Variants in CYP11B1 observed in about 807,000 individuals in gnomAD.
CYP11B1 encodes the protein cytochrome P450 11B1, mitochondrial.
CYP11B1 carries 34 observed loss-of-function variants against 48.3 expected under a neutral mutation model. That is an observed-to-expected ratio of 0.70 (90% CI 0.54 to 0.94). The LOEUF is 0.94. Ranked by LOEUF, CYP11B1 falls within the 40% of genes least tolerant of loss-of-function variation. The pLI is 0.00. For synonymous variants in CYP11B1, 291 were observed against 262.5 expected, an observed-to-expected ratio of 1.11 and a Z score of -1.05; for missense variants, 688 against 657.4, an observed-to-expected ratio of 1.05 and a Z score of -0.51.
At position 142,877,065 on chromosome 8, in the gene CYP11B1, TCAGGCTC is replaced by T. The variant is rs1816980417; in HGVS notation, c.546_552del (p.Ser183ProfsTer13). 2 of 1,613,870 alleles carry T rather than the reference TCAGGCTC, an allele frequency of 1.2e-6. No homozygotes were observed. The highest frequency in any genetic ancestry group is 1.7e-6 in the Non-Finnish European group (2 of 1,179,958). On this transcript the variant is annotated frameshift_variant, in exon 3 of 9. Transcript: ENST00000292427. LOFTEE classifies it high-confidence loss of function. ...AAGATGCTGGGCTGGACGTCCAGGG[TCAGGCTC>T]CCCCGGGCGTTCTGCAGCACCTTCT... is the stretch of plus-strand genomic sequence containing the variant.
rs370188543 is a variant in CYP11B1, at chr8:142,875,736, C to A, written c.1097G>T (p.Arg366Leu). 3.1e-6 allele frequency: 5 copies of A among 1,614,028 alleles called. No homozygotes were observed. The highest frequency in any genetic ancestry group is 3.4e-6 in the Non-Finnish European group (4 of 1,180,002). ...CCGCAAGGTCTCCTTGAGGGCCGCA[C>A]GCAGCAAGGGCAGCTCGGTGGTTGC... ...QKATTELPLL[R>L]AALKETLRLY... Residue 366 changes from arginine to leucine, a missense_variant, in exon 6 of 9, where the codon CGT (arginine) becomes CTT (leucine). By Grantham distance (102) the Arg-to-Leu change is moderately radical (BLOSUM62 -2). Transcript: ENST00000292427.
At position 142,873,265 on chromosome 8, in the gene CYP11B1, C is replaced by A. The variant is rs1301909068; in HGVS notation, c.*1108G>T. 1 of 152,268 alleles carries A rather than the reference C, an allele frequency of 6.6e-6. No homozygotes were observed. The highest frequency in any genetic ancestry group is 1.5e-5 in the Non-Finnish European group (1 of 68,084). 9.4% of individuals were successfully genotyped at this position (152,268 alleles called of 1,614,324 possible). ...CTCATCAGCCACCAGGAGCTGGCTG[C>A]TGTGATCTTTGCCCTGATGAAAATC... On this transcript the variant is annotated 3_prime_UTR_variant, in exon 9 of 9. Coordinates refer to ENST00000292427, the MANE Select transcript of CYP11B1 (RefSeq NM_000497.4).
In CYP11B1 at chr8:142,877,256, C is replaced by T. The variant is rs757708452; in HGVS notation, c.396-34G>A. ...GCCAGGGCAGAGCTTGTGAGGCCGCCCCAGCAAGACACAGGCCCTGACCCG... is the reference window on the plus strand; with the variant it reads ...GCCAGGGCAGAGCTTGTGAGGCCGCTCCAGCAAGACACAGGCCCTGACCCG... On this transcript the variant is annotated intron_variant, in intron 2 of 8. Coordinates refer to ENST00000292427, the MANE Select transcript of CYP11B1 (RefSeq NM_000497.4). 11 of 1,567,520 alleles carry T rather than the reference C, an allele frequency of 7.0e-6. No individual in the cohort carries two copies. The South Asian group carries it at 1.2e-4, about 17-fold the overall frequency.
chr8:142,878,141 G>A (rs4609179), intron 2 of CYP11B1, among the ~76,000 whole-genome samples: 78,778 of 151,882 alleles, frequency 0.52, 20,945 homozygotes, highest in East Asian at 0.72. Context: ...GATGCAAGAC[G>A]CACACACATA....
intron 5 of CYP11B1, 90 bp from the exon 6 acceptor site, chr8:142,875,968 T>C: frequency 6.7e-7 from 1 of 1,493,236 alleles, no homozygotes; most frequent in Non-Finnish European, 9.3e-7. Context: ...CTGTGAGGGG[T>C]GCAGACATGC....
chr8:142,874,867 C>T lies in CYP11B1; in HGVS notation c.1398+90G>A, dbSNP rs544973037. 1,712 of 1,497,628 alleles carry T rather than the reference C, an allele frequency of 1.1e-3. 4 individuals carry two copies. The highest frequency in any genetic ancestry group is 1.5e-3 in the Non-Finnish European group (1,635 of 1,093,864). 92.8% of individuals were successfully genotyped at this position (1,497,628 alleles called of 1,614,324 possible). ...GTCCAGGAAACATGCAGGCCACTCC[C>T]ACTCTGCCGAGGCCAGTCCCACATT... On this transcript the variant is annotated intron_variant, in intron 8 of 8. Coordinates refer to ENST00000292427, the MANE Select transcript of CYP11B1 (RefSeq NM_000497.4).
rs1290946784 is a variant in CYP11B1 at position 142,876,645 on chromosome 8, C to T, written c.799+37G>A. 3.2e-6 allele frequency: 5 copies of T among 1,585,846 alleles called. No homozygotes were observed. In the East Asian group the frequency reaches 1.2e-4, roughly 37 times the overall value. On this transcript the variant is annotated intron_variant, in intron 4 of 8. Coordinates refer to ENST00000292427, the MANE Select transcript of CYP11B1 (RefSeq NM_000497.4). ...GGGAGAAATTGGGCCCCCATGGTGT[C>T]CCTTCCCCATAGCACTGCCCGGGTC...
Position 142,876,589 on chromosome 8 carries a change from G to A in CYP11B1, c.799+93C>T, listed in dbSNP as rs569422466. The A allele has an allele frequency of 3.2e-6, 5 of 1,555,736 alleles. No homozygotes were observed. The African/African-American group carries it at 6.8e-5, about 21-fold the overall frequency. ...GGTGAGGAATCCCCGACCCCTCCCT[G>A]TGGCCTCCATTCCCCACTGGGTGGT... On this transcript the variant is annotated intron_variant, in intron 4 of 8. Coordinates refer to ENST00000292427, the MANE Select transcript of CYP11B1 (RefSeq NM_000497.4).
Position 142,876,779 on chromosome 8 carries a change from G to A in CYP11B1, c.702C>T (p.Thr234=), listed in dbSNP as rs772798395. 10 of 1,613,972 alleles carry A rather than the reference G, an allele frequency of 6.2e-6. No individual in the cohort carries two copies. Among genetic ancestry groups the A allele is most frequent in the South Asian group, 2.2e-5 (2 of 91,050 alleles). The change falls in exon 4 of 9, where the codon ACC becomes ACT. Residue 234 remains threonine (T), a synonymous_variant. Transcript: ENST00000292427. The part of the protein sequence containing the change: ...LHALEVMFKS[T]VQLMFMPRSL... ...TCCTGGGCATGAACATGAGCTGGAC[G>A]GTGGATTTGAACATGACCTCCAGGG... is the stretch of plus-strand genomic sequence containing the variant.
chr8:142,876,367 C>T lies in CYP11B1; in HGVS notation c.828G>A (p.Gln276=), dbSNP rs756992317. 1.2e-6 allele frequency: 2 copies of T among 1,614,152 alleles called. No homozygotes were observed. The highest frequency in any genetic ancestry group is 1.1e-5 in the South Asian group (1 of 91,060). The change falls in exon 5 of 9, where the codon CAG becomes CAA. Residue 276 remains glutamine (Q), a synonymous_variant. Coordinates refer to ENST00000292427, the MANE Select transcript of CYP11B1 (RefSeq NM_000497.4). The part of the protein sequence containing the change: ...YGDNCIQKIY[Q]ELAFSRPQQY... ...GTTGAGGGCGGCTGAAGGCCAGTTC[C>T]TGATAGATTTTCTGGATACAGTTGT... is the stretch of plus-strand genomic sequence containing the variant.
Position 142,876,171 on chromosome 8 carries a change from A to G in CYP11B1, c.954+70T>C, listed in dbSNP as rs1174555881. On this transcript the variant is annotated intron_variant, in intron 5 of 8. Coordinates refer to ENST00000292427, the MANE Select transcript of CYP11B1 (RefSeq NM_000497.4). The stretch of plus-strand genomic sequence containing the variant: ...ATGGGACACGTGGGCGCCGTGTGAC[A>G]TTGGCAGGCAGTGCCTGGGAGGCAG... 3.1e-6 allele frequency: 5 copies of G among 1,605,072 alleles called. No individual in the cohort carries two copies. The East Asian group carries it at 1.1e-4, about 36-fold the overall frequency.
Position 142,872,881 on chromosome 8 carries a change from C to A in CYP11B1, c.*1492G>T, listed in dbSNP as rs1042065302. On this transcript the variant is annotated 3_prime_UTR_variant, in exon 9 of 9. Transcript: ENST00000292427. The stretch of plus-strand genomic sequence containing the variant: ...ACTGGCGTCCTTATAAAAGAGGTCT[C>A]TGTGAGCTGTCTTGCCCTTTTCCAC... 3 of 152,172 alleles carry A rather than the reference C, an allele frequency of 2.0e-5. No homozygotes were observed. The highest frequency in any genetic ancestry group is 7.2e-5 in the African/African-American group (3 of 41,432). The allele number at this position is 152,172 out of a possible 1,614,324, so 9.4% of individuals were successfully genotyped here.
intron 2 of CYP11B1, among the ~76,000 whole-genome samples, chr8:142,878,560 C>T (rs1312305107): frequency 2.6e-5 from 4 of 152,224 alleles, no homozygotes; most frequent in Non-Finnish European, 5.9e-5. Context: ...TGCCTCCTGC[C>T]CCGGACTGTC....
chr8:142,875,983 C>T (rs752928809), intron 5 of CYP11B1, 105 bp from the exon 6 acceptor site: 4 of 1,429,372 alleles, frequency 2.8e-6, no homozygotes, highest in Non-Finnish European at 3.9e-6. Context: ...ACATGCATAC[C>T]CTGAGAACGA....
rs746611399 is a variant in CYP11B1 at position 142,877,253 on chromosome 8, C to T, written c.396-31G>A. 80 of 1,577,692 alleles carry T rather than the reference C, an allele frequency of 5.1e-5. No homozygotes were observed. The Middle Eastern group carries it at 6.9e-4, about 14-fold the overall frequency. Reference sequence around the variant, plus strand: ...GAGGCCAGGGCAGAGCTTGTGAGGCCGCCCCAGCAAGACACAGGCCCTGAC... The same window carrying T: ...GAGGCCAGGGCAGAGCTTGTGAGGCTGCCCCAGCAAGACACAGGCCCTGAC... On this transcript the variant is annotated intron_variant, in intron 2 of 8. Coordinates refer to ENST00000292427, the MANE Select transcript of CYP11B1 (RefSeq NM_000497.4).
intron 2 of CYP11B1, chr8:142,877,795 A>C: frequency 6.3e-7 from 1 of 1,596,546 alleles, no homozygotes; most frequent in Non-Finnish European, 8.5e-7. Flanking sequence ...GGATGCCCCC[A>C]GGGAATGGTG....
chr8:142,875,324 G>A lies in CYP11B1; in HGVS notation c.1122-12C>T, dbSNP rs193922537. On this transcript the variant is annotated splice_polypyrimidine_tract_variant and intron_variant, in intron 6 of 8. Coordinates refer to ENST00000292427, the MANE Select transcript of CYP11B1 (RefSeq NM_000497.4). ...CCACAGGGTAGAGCCTGGAGGTGGG[G>A]GCATCCATAGAAAGGGTCCTCAGCT... 14 of 1,610,642 alleles carry A rather than the reference G, an allele frequency of 8.7e-6. No individual in the cohort carries two copies. The Admixed American group carries it at 2.2e-4, about 25-fold the overall frequency.
Position 142,875,165 on chromosome 8 carries a change from T to G in CYP11B1, c.1201-11A>C, listed in dbSNP as rs1563868139. ...CACGCGCACCAATGTCTGCGGACGG[T>G]GCAGAGCGGGGATCAGGGAATGACT... On this transcript the variant is annotated splice_polypyrimidine_tract_variant and intron_variant, in intron 7 of 8. Transcript: ENST00000292427. The G allele has an allele frequency of 1.9e-6, 3 of 1,614,014 alleles. No individual in the cohort carries two copies. Among genetic ancestry groups the G allele is most frequent in the Non-Finnish European group, 2.5e-6 (3 of 1,180,018 alleles).
Position 142,874,020 on chromosome 8 carries a change from G to A in CYP11B1, c.*353C>T, listed in dbSNP as rs545198452. The A allele has an allele frequency of 1.1e-4, 41 of 379,502 alleles. No individual in the cohort carries two copies. Among genetic ancestry groups the A allele is most frequent in the Middle Eastern group, 8.6e-4 (1 of 1,168 alleles). 23.5% of individuals were successfully genotyped at this position (379,502 alleles called of 1,614,324 possible). ...GAGGAACAGGGACATGTGAGACTAG[G>A]CAGGAAGGCAAGGGACAAAACCACA... On this transcript the variant is annotated 3_prime_UTR_variant, in exon 9 of 9. Transcript: ENST00000292427.
Sources: allele counts gnomAD v4.1 joint callset (sites outside exome capture counted in the v4.1 genomes callset), GRCh38; gene constraint gnomAD v4.1.1; transcripts MANE v1.5; gene names NCBI Gene and HGNC (gene_info 2026-07-23, HGNC 2026-07-21).